Variants in HPSE2 observed in about 807,000 individuals in gnomAD.
HPSE2 encodes inactive heparanase-2.
Under a neutral mutation model 60.5 loss-of-function variants are expected in HPSE2, and 38 were observed. The ratio of observed to expected loss-of-function variants is 0.63; its 90% confidence interval spans 0.48 to 0.82. HPSE2 has a LOEUF of 0.82. HPSE2 is among the 40% of genes least tolerant of loss of function. HPSE2 has a pLI of 0.00. For synonymous variants in HPSE2, 295 were observed against 293.2 expected (o/e 1.01, Z -0.06); for missense variants, 713 against 740.4 (o/e 0.96, Z 0.43).
intron 3 of HPSE2, among the ~76,000 whole-genome samples, chr10:98,756,132 A>C (rs569609197): frequency 6.6e-6 from 1 of 152,348 alleles, no homozygotes; most frequent in South Asian, 2.1e-4. Context: ...GACGAATGAA[A>C]ACAAAGATAC....
At chr10:98,567,361 G>C (rs2133889073) in intron 9 of HPSE2, among the ~76,000 whole-genome samples, 1 of 152,308 alleles carries the variant, frequency 6.6e-6, no homozygotes, top group South Asian at 2.1e-4. Flanking sequence ...TTTCCTGACA[G>C]AGAATGCTTG....
chr10:98,621,542 G>A (rs1224850653), intron 7 of HPSE2, among the ~76,000 whole-genome samples: 1 of 152,212 alleles, frequency 6.6e-6, no homozygotes, highest in Non-Finnish European at 1.5e-5. Flanking sequence ...GAGCAGGAAT[G>A]AGGGACTGGG....
intron 3 of HPSE2, among the ~76,000 whole-genome samples, chr10:98,800,492 A>G (rs1365644211): frequency 2.0e-5 from 3 of 148,038 alleles, no homozygotes; most frequent in Non-Finnish European, 4.5e-5. Flanking sequence ...TTTATACAAT[A>G]TATAAATATA....
intron 3 of HPSE2, among the ~76,000 whole-genome samples, chr10:99,022,447 T>C (rs1219138844): frequency 6.6e-6 from 1 of 151,942 alleles, no homozygotes; most frequent in Non-Finnish European, 1.5e-5. Flanking sequence ...CTTAGGCAAA[T>C]CCTAGTGTTA....
intron 3 of HPSE2, among the ~76,000 whole-genome samples, chr10:98,797,504 A>G (rs1193800183): frequency 1.3e-5 from 2 of 152,286 alleles, no homozygotes; most frequent in East Asian, 3.9e-4. Flanking sequence ...AATAACCTCA[A>G]AAGGGTAATC....
At chr10:98,923,234 T>C (rs960842902) in intron 3 of HPSE2, among the ~76,000 whole-genome samples, 2 of 152,238 alleles carry the variant, frequency 1.3e-5, no homozygotes, top group Non-Finnish European at 2.9e-5. Flanking sequence ...TCTCCTGACC[T>C]GTAAGGTTTG....
chr10:98,556,909 A>C (rs1944024149), intron 9 of HPSE2, among the ~76,000 whole-genome samples: 1 of 152,180 alleles, frequency 6.6e-6, no homozygotes, highest in Non-Finnish European at 1.5e-5. Flanking sequence ...ATGAAGACTT[A>C]TTATAAAGCT....
intron 9 of HPSE2, 127 bp from the exon 10 acceptor site, chr10:98,490,323 T>A: frequency 8.5e-7 from 1 of 1,182,530 alleles, no homozygotes; most frequent in Non-Finnish European, 1.2e-6. Context: ...CCTGGAGTCA[T>A]GAGTCATGAC....
intron 9 of HPSE2, among the ~76,000 whole-genome samples, chr10:98,594,705 TG>T: frequency 6.6e-6 from 1 of 152,334 alleles, no homozygotes; most frequent in East Asian, 1.9e-4. Flanking sequence ...ATTCATCTGT[TG>T]ATGGACACTT....
At chr10:98,906,208 C>G (rs1030480957) in intron 3 of HPSE2, among the ~76,000 whole-genome samples, 2 of 152,158 alleles carry the variant, frequency 1.3e-5, no homozygotes, top group African/African-American at 4.8e-5. Flanking sequence ...TTCCCTTTCC[C>G]CAAAAGTGTT....
At chr10:98,619,122 T>G (rs959404085) in intron 8 of HPSE2, among the ~76,000 whole-genome samples, 1 of 152,014 alleles carries the variant, frequency 6.6e-6, no homozygotes, top group African/African-American at 2.4e-5. Context: ...CCTTCATTAA[T>G]GTATTAAAGA....
chr10:98,984,314 C>A (rs1956282189), intron 3 of HPSE2, among the ~76,000 whole-genome samples: 1 of 152,144 alleles, frequency 6.6e-6, no homozygotes, highest in Non-Finnish European at 1.5e-5. Flanking sequence ...AACGATCAGG[C>A]AGCAACATTT....
At chr10:98,847,147 A>G (rs1486739241) in intron 3 of HPSE2, among the ~76,000 whole-genome samples, 1 of 152,204 alleles carries the variant, frequency 6.6e-6, no homozygotes, top group Non-Finnish European at 1.5e-5. Context: ...CAAACTCAGA[A>G]TTAGTAAGAG....
At chr10:99,181,125 G>A (rs572391178) in intron 2 of HPSE2, among the ~76,000 whole-genome samples, 91 of 151,908 alleles carry the variant, frequency 6.0e-4, no homozygotes, top group Non-Finnish European at 1.2e-3. Context: ...GCGGCCGGGC[G>A]CGGTGGCTCA....
chr10:98,797,065 A>C (rs1591574), intron 3 of HPSE2, among the ~76,000 whole-genome samples: 17,629 of 152,166 alleles, frequency 0.12, 2,598 homozygotes, highest in African/African-American at 0.34. Flanking sequence ...ATACCCAATT[A>C]TTTAATGCCC....
chr10:98,952,426 G>A (rs1955390914), intron 3 of HPSE2, among the ~76,000 whole-genome samples: 2 of 151,522 alleles, frequency 1.3e-5, no homozygotes, highest in South Asian at 4.2e-4. Context: ...AAGGTGGGCT[G>A]CAAAAATGTC....
At chr10:99,206,519 G>A (rs1365915340) in intron 2 of HPSE2, among the ~76,000 whole-genome samples, 1 of 150,014 alleles carries the variant, frequency 6.7e-6, no homozygotes, top group Non-Finnish European at 1.5e-5. Context: ...TTGAGCCCAG[G>A]AGGTCAAGGC....
chr10:99,301,485 C>T, the HPSE2 span, among the ~76,000 whole-genome samples: 1 of 152,188 alleles, frequency 6.6e-6, no homozygotes, highest in African/African-American at 2.4e-5. Context: ...AGGACTTGCT[C>T]CTCCTTGCCT....
At chr10:98,911,782 T>C (rs1953986288) in intron 3 of HPSE2, among the ~76,000 whole-genome samples, 1 of 151,904 alleles carries the variant, frequency 6.6e-6, no homozygotes, top group South Asian at 2.1e-4. Flanking sequence ...GAAATAGCAA[T>C]GAGATAACGG....
Sources: gnomAD v4.1 joint callset for allele counts (sites outside exome capture counted in the v4.1 genomes callset) on GRCh38, gnomAD v4.1.1 for gene constraint, MANE v1.5 for transcripts, NCBI Gene and HGNC (gene_info 2026-07-23, HGNC 2026-07-21) for gene names.